CFAP97: variants seen among roughly 807,000 people sequenced by gnomAD.
CFAP97 encodes cilia- and flagella-associated protein 97.
A neutral mutation model predicts 43.1 loss-of-function variants in CFAP97; 36 were observed. The ratio of observed to expected loss-of-function variants is 0.84; its 90% CI spans 0.64 to 1.10. CFAP97 has a LOEUF of 1.10. CFAP97 is among the 50% of genes least tolerant of loss of function. The pLI is 0.00. For missense variants in CFAP97, 657 were observed against 620.3 expected (o/e 1.06, Z -0.63); for synonymous variants, 228 against 225.7 (o/e 1.01, Z -0.09).
chr4:185,198,453 A>AAAAAAGAAGG (rs1553975360), intron 1 of CFAP97, among the ~76,000 whole-genome samples: 1 of 147,380 alleles, frequency 6.8e-6, no homozygotes, highest in African/African-American at 2.5e-5. Flanking sequence ...AAAAAAAAAA[A>AAAAAAGAAGG]AAAGAAAGAA....
At chr4:185,193,978 T>C (rs1736424994) in intron 1 of CFAP97, among the ~76,000 whole-genome samples, 2 of 152,186 alleles carry the variant, frequency 1.3e-5, no homozygotes, top group Admixed American at 6.5e-5. Flanking sequence ...TCTGTTAACA[T>C]CATCACTTAG....
At chr4:185,197,562 G>T (rs1351535130) in intron 1 of CFAP97, among the ~76,000 whole-genome samples, 1 of 152,062 alleles carries the variant, frequency 6.6e-6, no homozygotes, top group Non-Finnish European at 1.5e-5. Context: ...CGAGTAGCTG[G>T]AATTACAGGC....
intron 2 of CFAP97, among the ~76,000 whole-genome samples, chr4:185,186,163 T>C (rs1016280137): frequency 2.0e-5 from 3 of 151,994 alleles, no homozygotes; most frequent in Admixed American, 6.6e-5. Context: ...CCAGGCGAGG[T>C]GGTACACACC....
chr4:185,192,212 C>T (rs960971956), intron 1 of CFAP97, among the ~76,000 whole-genome samples: 2 of 152,096 alleles, frequency 1.3e-5, no homozygotes, highest in African/African-American at 2.4e-5. Flanking sequence ...ACAGGTATGT[C>T]GAACTTCTGA....
In CFAP97 at chr4:185,191,039, G is replaced by A. The variant is rs373566490; in HGVS notation, c.158C>T (p.Ser53Leu). 3.5e-5 allele frequency: 56 copies of A among 1,612,866 alleles called. No homozygotes were observed. The African/African-American group carries it at 5.3e-4, about 15-fold the overall frequency. ...TTCTGTTGTTTGCATTCCAGTGTTC[G>A]AATTTACATTTTTTGTATCTTTATC... ...RIDKDTKNVN[S>L]NTGMQTTENY... Residue 53 changes from serine to leucine, a missense_variant, in exon 2 of 5, where the codon TCG (serine) becomes TTG (leucine). By Grantham distance (145) the Ser-to-Leu change is moderately radical. Coordinates refer to ENST00000458385, the MANE Select transcript of CFAP97 (RefSeq NM_020827.3).
chr4:185,186,463 G>A (rs1307329852), intron 2 of CFAP97, among the ~76,000 whole-genome samples: 2 of 151,884 alleles, frequency 1.3e-5, no homozygotes, highest in Non-Finnish European at 2.9e-5. Context: ...AAGAAAATAC[G>A]ACTTGTGGTA....
At chr4:185,187,433 G>C (rs1333661566) in intron 2 of CFAP97, among the ~76,000 whole-genome samples, 1 of 152,050 alleles carries the variant, frequency 6.6e-6, no homozygotes, top group Non-Finnish European at 1.5e-5. Flanking sequence ...AGTCTAGTAA[G>C]TATCCCGATG....
At chr4:185,202,596 T>A (rs1361808796) in intron 1 of CFAP97, among the ~76,000 whole-genome samples, 1 of 151,902 alleles carries the variant, frequency 6.6e-6, no homozygotes, top group African/African-American at 2.4e-5. Context: ...CCAGTTTCCT[T>A]GATAGTTTCC....
At chr4:185,197,995 T>C (rs1736633790) in intron 1 of CFAP97, among the ~76,000 whole-genome samples, 1 of 152,152 alleles carries the variant, frequency 6.6e-6, no homozygotes, top group African/African-American at 2.4e-5. Flanking sequence ...GTCTGAATGG[T>C]CTGGATACAC....
chr4:185,161,087 A>C lies in CFAP97; in HGVS notation c.*1711T>G, dbSNP rs970314989. The C allele has an allele frequency of 1.1e-4, 17 of 152,110 alleles. No individual in the cohort carries two copies. Among genetic ancestry groups the C allele is most frequent in the Non-Finnish European group, 2.1e-4 (14 of 67,994 alleles). The allele number at this position is 152,110 out of a possible 1,614,324, so 9.4% of individuals were successfully genotyped here. A position where few individuals can be genotyped will look rare whatever the true frequency, so the allele number is the denominator to read the frequency against. ...GTTATATAAACAGTAAAAGTACAGT[A>C]AGTTAAAAAACAAAAGAAAATAAAG... On this transcript the variant is annotated 3_prime_UTR_variant, in exon 5 of 5. Transcript: ENST00000458385.
intron 2 of CFAP97, among the ~76,000 whole-genome samples, chr4:185,178,600 AATGTTCTCTATTTT>A (rs1240927344): frequency 6.6e-6 from 1 of 152,048 alleles, no homozygotes; most frequent in East Asian, 1.9e-4. Flanking sequence ...GGATGATGGA[AATGTTCTCTATTTT>A]ATATTAGTTA....
At chr4:185,186,403 A>C (rs1736008657) in intron 2 of CFAP97, among the ~76,000 whole-genome samples, 1 of 152,218 alleles carries the variant, frequency 6.6e-6, no homozygotes, top group African/African-American at 2.4e-5. Context: ...ACTGCACTGC[A>C]GCCTGGGCAA....
intron 1 of CFAP97, among the ~76,000 whole-genome samples, chr4:185,199,520 G>A (rs1394275228): frequency 1.3e-5 from 2 of 151,696 alleles, no homozygotes; most frequent in African/African-American, 4.8e-5. Flanking sequence ...AATAACAAAA[G>A]TTAGCCAGGG....
In CFAP97 at chr4:185,176,109, C is replaced by CTTT. The variant is rs113459393; in HGVS notation, c.1055-61_1055-59dup. The CTTT allele has an allele frequency of 9.0e-3, 9,177 of 1,022,484 alleles. 11 individuals carry two copies. Among genetic ancestry groups the CTTT allele is most frequent in the Middle Eastern group, 0.014 (49 of 3,436 alleles). 63.3% of individuals were successfully genotyped at this position (1,022,484 alleles called of 1,614,324 possible). A position where few individuals can be genotyped will look rare whatever the true frequency, so the allele number is the denominator to read the frequency against. ...GGCCAAAGTAAGTATGTGGTACATG[C>CTTT]TTTTTTTTTTTTTCTCTTTTTAGAC... On this transcript the variant is annotated intron_variant, in intron 2 of 4. Transcript: ENST00000458385.
intron 1 of CFAP97, among the ~76,000 whole-genome samples, chr4:185,198,462 A>G (rs1446282385): frequency 2.7e-5 from 4 of 149,844 alleles, no homozygotes; most frequent in Non-Finnish European, 5.9e-5. Context: ...AAAAAGAAAG[A>G]AAGGAAGAAA....
intron 1 of CFAP97, among the ~76,000 whole-genome samples, chr4:185,200,618 G>A (rs1736777693): frequency 6.6e-6 from 1 of 151,676 alleles, no homozygotes; most frequent in East Asian, 1.9e-4. Context: ...ACTCCAGCGG[G>A]TGACAGAGTG....
intron 1 of CFAP97, among the ~76,000 whole-genome samples, chr4:185,198,100 G>A (rs113433019): frequency 1.3e-5 from 2 of 152,104 alleles, no homozygotes; most frequent in South Asian, 4.2e-4. Context: ...AGGTAAAGAC[G>A]ATGTAGAAAT....
At chr4:185,191,660 T>C (rs1736264252) in intron 1 of CFAP97, among the ~76,000 whole-genome samples, 1 of 152,016 alleles carries the variant, frequency 6.6e-6, no homozygotes, top group South Asian at 2.1e-4. Context: ...TGAAACCCCG[T>C]CTCTACTAAA....
Position 185,190,566 on chromosome 4 carries a change from C to T in CFAP97, c.631G>A (p.Val211Ile). Residue 211 changes from valine to isoleucine, a missense_variant, in exon 2 of 5, where the codon GTA becomes ATA. Coordinates refer to ENST00000458385, the MANE Select transcript of CFAP97 (RefSeq NM_020827.3). ...GGTGACAGGAGGGTTATACCAGATA[C>T]ATGTTTCTTAGATGACTTAGATGAC... ...SPSSKSSKKH[V>I]SGITLLSPKH... 2 of 1,613,860 alleles carry T rather than the reference C, an allele frequency of 1.2e-6. No individual in the cohort carries two copies. The highest frequency in any genetic ancestry group is 1.3e-5 in the African/African-American group (1 of 75,036).
Sources: allele counts gnomAD v4.1 joint callset (sites outside exome capture counted in the v4.1 genomes callset), GRCh38; gene constraint gnomAD v4.1.1; transcripts MANE v1.5; gene names NCBI Gene and HGNC (gene_info 2026-07-23, HGNC 2026-07-21).